The following PAIP2B variants were observed in gnomAD, a reference collection of about 807,000 sequenced individuals.
The protein encoded by PAIP2B is poly(A) binding protein interacting protein 2B.
Under a neutral mutation model 17.0 loss-of-function variants are expected in PAIP2B, and 13 were observed. The ratio of observed to expected loss-of-function variants is 0.76; its 90% CI spans 0.50 to 1.22. The LOEUF (loss-of-function observed/expected upper bound fraction) is 1.22. PAIP2B is among the 50% of genes most tolerant of loss of function. PAIP2B has a pLI of 0.00. For synonymous variants in PAIP2B, 43 were observed against 48.7 expected, an observed-to-expected ratio of 0.88 and a Z score of 0.48; for missense variants, 117 against 144.5, an observed-to-expected ratio of 0.81 and a Z score of 0.98.
intron 1 of PAIP2B, among the ~76,000 whole-genome samples, chr2:71,221,595 A>T (rs1675582264): frequency 1.3e-5 from 2 of 152,230 alleles, no homozygotes; most frequent in African/African-American, 4.8e-5. Context: ...GACATGTGTC[A>T]ATTACCTTGT....
intron 1 of PAIP2B, among the ~76,000 whole-genome samples, chr2:71,225,688 C>G (rs545345954): frequency 5.9e-5 from 9 of 152,268 alleles, no homozygotes; most frequent in Admixed American, 5.2e-4. Context: ...TTAATCAAAG[C>G]TAAGAGCAGT....
chr2:71,219,899 CA>C (rs1159846663), intron 1 of PAIP2B, among the ~76,000 whole-genome samples: 1 of 152,232 alleles, frequency 6.6e-6, no homozygotes, highest in Admixed American at 6.5e-5. Context: ...TCTCTCAACA[CA>C]AAAAGTAGCA....
intron 3 of PAIP2B, among the ~76,000 whole-genome samples, chr2:71,189,431 C>T (rs1338934671): frequency 6.6e-6 from 1 of 152,128 alleles, no homozygotes; most frequent in Non-Finnish European, 1.5e-5. Context: ...AAATGAACAG[C>T]TAATTTTTAT....
At position 71,221,227 on chromosome 2, in the gene PAIP2B, ATTTTTG is replaced by A. The variant is rs1380862722; in HGVS notation, c.-12+5695_-12+5700del. ...TAGTTTTTCCTCTAGATGATTTTTAATTTTTGTTTTTATTTGTTCTTTGTATTTTTA... is the reference window on the plus strand; with the variant it reads ...TAGTTTTTCCTCTAGATGATTTTTAATTTTTATTTGTTCTTTGTATTTTTA... On this transcript the variant is annotated intron_variant, in intron 1 of 3. Coordinates refer to ENST00000244221, the MANE Select transcript of PAIP2B (RefSeq NM_020459.1). 1.1e-4 allele frequency among the ~76,000 whole-genome samples: 16 copies of A among 152,296 alleles called. No individual in the cohort carries two copies. The South Asian group carries it at 1.2e-3, about 12-fold the overall frequency.
At chr2:71,218,289 A>C (rs1675484585) in intron 1 of PAIP2B, among the ~76,000 whole-genome samples, 1 of 152,066 alleles carries the variant, frequency 6.6e-6, no homozygotes. Context: ...CTTTAAAATT[A>C]CTCAGAAAAA....
At chr2:71,200,287 TA>T (rs140802560) in intron 2 of PAIP2B, among the ~76,000 whole-genome samples, 3,955 of 152,218 alleles carry the variant, frequency 0.026, 185 homozygotes, top group African/African-American at 0.089. Flanking sequence ...TTGGCAGTGG[TA>T]AAAACTGTAC....
At chr2:71,218,919 C>CTTTTTTTTT (rs869124496) in intron 1 of PAIP2B, among the ~76,000 whole-genome samples, 1 of 138,106 alleles carries the variant, frequency 7.2e-6, no homozygotes. Flanking sequence ...CTTTTTTTTT[C>CTTTTTTTTT]TTTTTTTTTT....
chr2:71,216,524 A>G (rs376755269), intron 1 of PAIP2B, among the ~76,000 whole-genome samples: 3 of 151,938 alleles, frequency 2.0e-5, no homozygotes, highest in Admixed American at 6.5e-5. Context: ...TATGTTTCTC[A>G]TCCCAGACCA....
intron 1 of PAIP2B, among the ~76,000 whole-genome samples, chr2:71,212,610 G>A (rs1460053994): frequency 6.6e-6 from 1 of 152,050 alleles, no homozygotes; most frequent in Non-Finnish European, 1.5e-5. Context: ...TACTCAAGAG[G>A]GATTAAAAAA....
In PAIP2B at chr2:71,185,035, T is replaced by G. The variant is rs1288262487; in HGVS notation, c.*3444A>C. On this transcript the variant is annotated 3_prime_UTR_variant, in exon 4 of 4. Transcript: ENST00000244221. Reference sequence around the variant, plus strand: ...ATGGTTCAGGAGCCTGGGCTGTCATTTGTCTACCTGGGGTTTGCAGCAGCC... The same window carrying G: ...ATGGTTCAGGAGCCTGGGCTGTCATGTGTCTACCTGGGGTTTGCAGCAGCC... 6.6e-6 allele frequency: 1 copy of G among 152,178 alleles called. No homozygotes were observed. Among genetic ancestry groups the G allele is most frequent in the Non-Finnish European group, 1.5e-5 (1 of 68,048 alleles). The allele number at this position is 152,178 out of a possible 1,614,324, so 9.4% of individuals were successfully genotyped here.
At chr2:71,196,610 AG>A (rs1256697335) in intron 2 of PAIP2B, among the ~76,000 whole-genome samples, 43 of 152,116 alleles carry the variant, frequency 2.8e-4, no homozygotes, top group Non-Finnish European at 7.4e-5. Context: ...GGAGTATAGA[AG>A]TCTCACATTA....
chr2:71,216,092 TTC>T (rs1675423408), intron 1 of PAIP2B, among the ~76,000 whole-genome samples: 1 of 152,248 alleles, frequency 6.6e-6, no homozygotes, highest in Non-Finnish European at 1.5e-5. Flanking sequence ...ATAGTGATTT[TTC>T]TTTTTTGGAA....
intron 2 of PAIP2B, among the ~76,000 whole-genome samples, chr2:71,199,241 T>C (rs1412707954): frequency 6.6e-6 from 1 of 152,172 alleles, no homozygotes; most frequent in African/African-American, 2.4e-5. Flanking sequence ...TCCATTTTCT[T>C]TGCATATGAG....
rs1675266870 is a variant in PAIP2B at position 71,210,454 on chromosome 2, C to T, written c.-11-7854G>A. Among the ~76,000 whole-genome samples, 5 of 152,298 alleles carry T rather than the reference C, an allele frequency of 3.3e-5. No individual in the cohort carries two copies. In the South Asian group the frequency reaches 8.3e-4, roughly 25 times the overall value. ...TAAGTAGTCATTCTGCTAAGTTTTC[C>T]TATATTGACCTCAATGCACAAATGT... On this transcript the variant is annotated intron_variant, in intron 1 of 3. Transcript: ENST00000244221.
intron 2 of PAIP2B, among the ~76,000 whole-genome samples, chr2:71,200,829 G>A (rs1236351891): frequency 2.0e-5 from 3 of 152,168 alleles, no homozygotes; most frequent in Admixed American, 6.5e-5. Context: ...AAACATTAGG[G>A]TTGGGGGAAT....
intron 2 of PAIP2B, among the ~76,000 whole-genome samples, chr2:71,200,479 C>G (rs1332852139): frequency 6.6e-6 from 1 of 152,238 alleles, no homozygotes; most frequent in Middle Eastern, 3.4e-3. Context: ...AGGCCAGGCA[C>G]GGTGGCTCAC....
chr2:71,221,631 T>C (rs1307175652), intron 1 of PAIP2B, among the ~76,000 whole-genome samples: 2 of 152,222 alleles, frequency 1.3e-5, no homozygotes, highest in African/African-American at 4.8e-5. Flanking sequence ...TAATTATCTA[T>C]GATTATATTA....
intron 1 of PAIP2B, among the ~76,000 whole-genome samples, chr2:71,222,134 G>A (rs1487119509): frequency 2.0e-5 from 3 of 152,132 alleles, no homozygotes; most frequent in East Asian, 1.9e-4. Context: ...CACTCACCAC[G>A]AAGGTCTGGG....
rs17583279 is a variant in PAIP2B at position 71,189,412 on chromosome 2, T to C, written c.315+433A>G. Among the ~76,000 whole-genome samples the C allele has an allele frequency of 0.056, 8,501 of 152,320 alleles. 989 individuals carry two copies. The East Asian group carries it at 0.56, about 10-fold the overall frequency. On this transcript the variant is annotated intron_variant, in intron 3 of 3. Coordinates refer to ENST00000244221, the MANE Select transcript of PAIP2B (RefSeq NM_020459.1). ...GAGAAAATGACCTCTCAGGAGTACA[T>C]TTCTTCCAAAATGAACAGCTAATTT...
Sources: gnomAD v4.1 joint callset for allele counts (sites outside exome capture counted in the v4.1 genomes callset) on GRCh38, gnomAD v4.1.1 for gene constraint, MANE v1.5 for transcripts, NCBI Gene and HGNC (gene_info 2026-07-23, HGNC 2026-07-21) for gene names.